Variants in SLC25A21 observed in about 807,000 individuals in gnomAD.
SLC25A21 encodes solute carrier family 25 member 21.
SLC25A21 carries 47 observed loss-of-function variants against 43.8 expected under a neutral mutation model. The observed-to-expected ratio is 1.07, with a 90% CI of 0.85 to 1.37. The LOEUF is 1.37. Among genes scored for constraint, SLC25A21 ranks in the 40% most tolerant of loss-of-function variants. The pLI, the probability that SLC25A21 is intolerant of heterozygous loss-of-function variation, is 0.00. For synonymous variants in SLC25A21, 131 were observed against 121.3 expected, an observed-to-expected ratio of 1.08 and a Z score of -0.52; for missense variants, 352 against 350.2, an observed-to-expected ratio of 1.00 and a Z score of -0.04.
At chr14:37,043,953 T>A (rs1961533995) in intron 1 of SLC25A21, among the ~76,000 whole-genome samples, 1 of 151,216 alleles carries the variant, frequency 6.6e-6, no homozygotes, top group Non-Finnish European at 1.5e-5. Context: ...TTTTTTTTTT[T>A]TTTTGGTGGA....
chr14:36,739,161 A>C (rs767796367), intron 3 of SLC25A21, among the ~76,000 whole-genome samples: 4 of 152,222 alleles, frequency 2.6e-5, no homozygotes, highest in Non-Finnish European at 4.4e-5. Context: ...AGGAAGCAGG[A>C]AAGGCCACTG....
At chr14:36,891,215 ACT>A (rs1181894726) in intron 1 of SLC25A21, among the ~76,000 whole-genome samples, 1 of 152,178 alleles carries the variant, frequency 6.6e-6, no homozygotes, top group Non-Finnish European at 1.5e-5. Context: ...GAAAATTATA[ACT>A]CTGAAAATCT....
chr14:36,897,791 G>C (rs1232133870), intron 1 of SLC25A21, among the ~76,000 whole-genome samples: 1 of 152,204 alleles, frequency 6.6e-6, no homozygotes, highest in Non-Finnish European at 1.5e-5. Flanking sequence ...GAGTTTGCTG[G>C]AGGTCCACTC....
intron 1 of SLC25A21, among the ~76,000 whole-genome samples, chr14:36,925,689 A>C (rs560907860): frequency 1.2e-3 from 180 of 152,216 alleles, no homozygotes; most frequent in African/African-American, 4.0e-3. Context: ...CCTACTAAAA[A>C]TACAAAAATT....
intron 1 of SLC25A21, among the ~76,000 whole-genome samples, chr14:36,996,302 T>G (rs1236517350): frequency 1.3e-5 from 2 of 152,204 alleles, no homozygotes; most frequent in Admixed American, 1.3e-4. Context: ...AAGTCATGTC[T>G]GCCAGCCTTA....
At chr14:36,961,699 G>A (rs1959496696) in intron 1 of SLC25A21, among the ~76,000 whole-genome samples, 1 of 152,164 alleles carries the variant, frequency 6.6e-6, no homozygotes, top group Admixed American at 6.5e-5. Context: ...GGTCTATGCT[G>A]GGGAAGAGCA....
intron 1 of SLC25A21, among the ~76,000 whole-genome samples, chr14:37,034,630 T>C (rs895020669): frequency 1.3e-5 from 2 of 152,228 alleles, no homozygotes; most frequent in African/African-American, 2.4e-5. Context: ...GCATCCTGCA[T>C]GTCAGCGACA....
At chr14:37,058,766 C>CT (rs1961883714) in intron 1 of SLC25A21, among the ~76,000 whole-genome samples, 1 of 152,174 alleles carries the variant, frequency 6.6e-6, no homozygotes, top group African/African-American at 2.4e-5. Flanking sequence ...TCAAGTTCTG[C>CT]TGAGGCTGAT....
At chr14:37,025,347 C>T (rs781668210) in intron 1 of SLC25A21, among the ~76,000 whole-genome samples, 1 of 152,116 alleles carries the variant, frequency 6.6e-6, no homozygotes, top group Non-Finnish European at 1.5e-5. Flanking sequence ...TGAAAGAACT[C>T]TGGGAACTAC....
intron 7 of SLC25A21, among the ~76,000 whole-genome samples, chr14:36,692,278 G>A (rs890430973): frequency 6.6e-6 from 1 of 152,180 alleles, no homozygotes; most frequent in Non-Finnish European, 1.5e-5. Context: ...ACATTAAGAA[G>A]TGATCCCAAA....
chr14:36,898,356 G>C (rs902322358), intron 1 of SLC25A21, among the ~76,000 whole-genome samples: 1 of 152,188 alleles, frequency 6.6e-6, no homozygotes. Context: ...TAATCTCCTG[G>C]TGTGCCATTT....
chr14:36,818,363 T>G (rs1013125129), intron 2 of SLC25A21, among the ~76,000 whole-genome samples: 1 of 152,220 alleles, frequency 6.6e-6, no homozygotes, highest in Non-Finnish European at 1.5e-5. Flanking sequence ...GAGCTGACTG[T>G]CTGATGAGTG....
At position 36,680,220 on chromosome 14, in the gene SLC25A21, T is replaced by A. The variant is rs1882158738; in HGVS notation, c.*438A>T. The A allele has an allele frequency of 1.1e-6, 1 of 901,328 alleles. No individual in the cohort carries two copies. Among genetic ancestry groups the A allele is most frequent in the African/African-American group, 1.8e-5 (1 of 55,344 alleles). 55.8% of individuals were successfully genotyped at this position (901,328 alleles called of 1,614,324 possible). On this transcript the variant is annotated 3_prime_UTR_variant, in exon 10 of 10. Coordinates refer to ENST00000331299, the MANE Select transcript of SLC25A21 (RefSeq NM_030631.4). ...TAATTCATTATAAAAACTGCTTAAATTTTGGCTTAACTTTTTTTTAATCCA... is the reference window on the plus strand; with the variant it reads ...TAATTCATTATAAAAACTGCTTAAAATTTGGCTTAACTTTTTTTTAATCCA...
intron 2 of SLC25A21, among the ~76,000 whole-genome samples, chr14:36,865,019 T>TTTTC (rs543384238): frequency 1.3e-5 from 2 of 151,894 alleles, no homozygotes; most frequent in Non-Finnish European, 2.9e-5. Context: ...GATTCCTTTC[T>TTTTC]TTTCTTTCTT....
At chr14:36,825,746 T>G (rs571149633) in intron 2 of SLC25A21, among the ~76,000 whole-genome samples, 1 of 152,302 alleles carries the variant, frequency 6.6e-6, no homozygotes, top group East Asian at 1.9e-4. Context: ...AAACCTAGGT[T>G]TCCTAAAATA....
intron 2 of SLC25A21, among the ~76,000 whole-genome samples, chr14:36,862,078 TA>T (rs959938740): frequency 6.6e-6 from 1 of 152,164 alleles, no homozygotes; most frequent in African/African-American, 2.4e-5. Flanking sequence ...TCATGCCAGT[TA>T]GAATGGCAAT....
In SLC25A21 at chr14:36,893,231, G is replaced by A. The variant is rs1891132323; in HGVS notation, c.71-18227C>T. 1.3e-5 allele frequency among the ~76,000 whole-genome samples: 2 copies of A among 152,062 alleles called. 1 individual carries two copies. The highest frequency in any genetic ancestry group is 4.1e-4 in the South Asian group (2 of 4,830). The stretch of plus-strand genomic sequence containing the variant: ...ACCTGTTGTTTCCTGACTTTTTAAT[G>A]ATTGCCATTCTAACTGGTGTGAGAT... On this transcript the variant is annotated intron_variant, in intron 1 of 9. Transcript: ENST00000331299.
chr14:37,115,328 C>G (rs1341643481), intron 1 of SLC25A21, among the ~76,000 whole-genome samples: 1 of 152,168 alleles, frequency 6.6e-6, no homozygotes, highest in East Asian at 1.9e-4. Context: ...TTCTCCTGCT[C>G]TGCATCACTA....
At chr14:36,929,470 G>C (rs1892226763) in intron 1 of SLC25A21, among the ~76,000 whole-genome samples, 1 of 152,074 alleles carries the variant, frequency 6.6e-6, no homozygotes, top group Non-Finnish European at 1.5e-5. Flanking sequence ...AGTAAACATT[G>C]CAATTGTTTT....
Sources: allele counts gnomAD v4.1 joint callset (sites outside exome capture counted in the v4.1 genomes callset), GRCh38; gene constraint gnomAD v4.1.1; transcripts MANE v1.5; gene names NCBI Gene and HGNC (gene_info 2026-07-23, HGNC 2026-07-21).